TMTC2: variants seen among roughly 807,000 people sequenced by gnomAD.
TMTC2 encodes protein O-mannosyl-transferase TMTC2.
In TMTC2, 43 loss-of-function variants were observed where a neutral mutation model predicts 82.4. The observed-to-expected ratio is 0.52, with a 90% CI of 0.41 to 0.67. TMTC2 has a LOEUF of 0.67. TMTC2 is among the 30% of genes least tolerant of loss of function. The probability of loss-of-function intolerance (pLI) is 0.00; values close to 1 mark genes in which losing one functional copy is unlikely to be tolerated. For synonymous variants in TMTC2, 408 were observed against 381.9 expected (o/e 1.07, Z -0.80); for missense variants, 919 against 1,012.4 (o/e 0.91, Z 1.25).
At chr12:82,840,497 A>G (rs1870272551) in intron 1 of TMTC2, among the ~76,000 whole-genome samples, 1 of 152,240 alleles carries the variant, frequency 6.6e-6, no homozygotes. Context: ...GAATTTATTT[A>G]ATTAGCACGG....
At chr12:82,953,948 T>A (rs1877482007) in intron 4 of TMTC2, among the ~76,000 whole-genome samples, 1 of 152,170 alleles carries the variant, frequency 6.6e-6, no homozygotes, top group South Asian at 2.1e-4. Flanking sequence ...ACTTCTTAAA[T>A]AACTGGGTAT....
chr12:82,692,689 T>G (rs1300995966), intron 1 of TMTC2, among the ~76,000 whole-genome samples: 1 of 152,230 alleles, frequency 6.6e-6, no homozygotes, highest in East Asian at 1.9e-4. Flanking sequence ...TTGTATCAGC[T>G]TTGGATACTT....
intron 11 of TMTC2, among the ~76,000 whole-genome samples, chr12:83,067,785 T>C (rs1037929870): frequency 2.0e-5 from 3 of 152,162 alleles, no homozygotes; most frequent in African/African-American, 7.2e-5. Context: ...TTACTTCTAG[T>C]TTGGACTCAG....
chr12:82,695,510 T>C (rs1221821030), intron 1 of TMTC2, among the ~76,000 whole-genome samples: 1 of 152,232 alleles, frequency 6.6e-6, no homozygotes, highest in African/African-American at 2.4e-5. Flanking sequence ...GGTAGATAAG[T>C]CAAAATACTT....
chr12:83,018,360 C>T (rs772350316), intron 8 of TMTC2, among the ~76,000 whole-genome samples: 2 of 152,198 alleles, frequency 1.3e-5, no homozygotes, highest in Middle Eastern at 3.2e-3. Flanking sequence ...TCAGGCCTCC[C>T]GTTTGGGAGC....
At chr12:83,071,047 A>C (rs1388509734) in intron 11 of TMTC2, among the ~76,000 whole-genome samples, 2 of 152,034 alleles carry the variant, frequency 1.3e-5, no homozygotes, top group Non-Finnish European at 2.9e-5. Context: ...AATGCACTCG[A>C]TCATGGTGGA....
intron 11 of TMTC2, among the ~76,000 whole-genome samples, chr12:83,097,697 G>T (rs919523333): frequency 6.6e-6 from 1 of 152,132 alleles, no homozygotes; most frequent in Admixed American, 6.5e-5. Flanking sequence ...AAAATAAAAC[G>T]TAAAGAGGGA....
chr12:82,864,328 G>A (rs1871705863), intron 2 of TMTC2, among the ~76,000 whole-genome samples: 1 of 151,842 alleles, frequency 6.6e-6, no homozygotes, highest in South Asian at 2.1e-4. Flanking sequence ...CTAGGGATAC[G>A]CAGGTCAGCT....
chr12:82,839,812 T>C (rs886303104), intron 1 of TMTC2, among the ~76,000 whole-genome samples: 1 of 152,212 alleles, frequency 6.6e-6, no homozygotes, highest in Non-Finnish European at 1.5e-5. Context: ...ATATAAGTCC[T>C]GTAACTTCTT....
intron 10 of TMTC2, among the ~76,000 whole-genome samples, chr12:83,057,735 T>C (rs1237229858): frequency 6.6e-6 from 1 of 151,888 alleles, no homozygotes; most frequent in Non-Finnish European, 1.5e-5. Flanking sequence ...AAAATGCTCA[T>C]AAGCTATTCT....
intron 2 of TMTC2, among the ~76,000 whole-genome samples, chr12:82,876,602 A>G (rs1872595158): frequency 6.6e-6 from 1 of 152,208 alleles, no homozygotes; most frequent in African/African-American, 2.4e-5. Flanking sequence ...TCATCAGGCC[A>G]AAATCTTAAA....
chr12:82,706,447 A>C (rs1873361328), intron 1 of TMTC2, among the ~76,000 whole-genome samples: 1 of 152,072 alleles, frequency 6.6e-6, no homozygotes, highest in South Asian at 2.1e-4. Context: ...GAGGGAGAGA[A>C]GAGAGATGAG....
At chr12:83,020,900 T>A (rs1379054448) in intron 8 of TMTC2, among the ~76,000 whole-genome samples, 1 of 152,204 alleles carries the variant, frequency 6.6e-6, no homozygotes, top group East Asian at 1.9e-4. Context: ...AACCATGTTG[T>A]GTTTATACCT....
chr12:83,119,952 A>T (rs1396900999), intron 11 of TMTC2, among the ~76,000 whole-genome samples: 1 of 152,190 alleles, frequency 6.6e-6, no homozygotes, highest in African/African-American at 2.4e-5. Context: ...ATTTAAGAAT[A>T]GCCCCTCCTG....
intron 1 of TMTC2, among the ~76,000 whole-genome samples, chr12:82,845,263 A>G (rs1370147908): frequency 7.2e-6 from 1 of 138,736 alleles, no homozygotes; most frequent in Non-Finnish European, 1.5e-5. Context: ...ATATATATAT[A>G]TATATATATA....
intron 2 of TMTC2, among the ~76,000 whole-genome samples, chr12:82,861,638 T>C (rs774199453): frequency 6.6e-6 from 1 of 152,244 alleles, no homozygotes; most frequent in Non-Finnish European, 1.5e-5. Context: ...ATTCTTAGTG[T>C]GCTAAAGATG....
rs561601702 is a variant in TMTC2, at chr12:83,133,755, A to T, written c.*1366A>T. On this transcript the variant is annotated 3_prime_UTR_variant, in exon 12 of 12. Coordinates refer to ENST00000321196, the MANE Select transcript of TMTC2 (RefSeq NM_152588.3). The stretch of plus-strand genomic sequence containing the variant: ...AACTTTGCCACTAAAAATTAACTTC[A>T]TAAAACACTAGTCCGTTATCAACTT... 6.6e-6 allele frequency: 1 copy of T among 152,228 alleles called. No individual in the cohort carries two copies. The highest frequency in any genetic ancestry group is 6.5e-5 in the Admixed American group (1 of 15,286). 9.4% of individuals were successfully genotyped at this position (152,228 alleles called of 1,614,324 possible). A position where few individuals can be genotyped will look rare whatever the true frequency, so the allele number is the denominator to read the frequency against.
chr12:83,037,704 C>T (rs987013196), intron 9 of TMTC2, among the ~76,000 whole-genome samples: 3 of 152,006 alleles, frequency 2.0e-5, no homozygotes, highest in Admixed American at 6.6e-5. Context: ...TTCATACCTT[C>T]GTGTATTTTA....
intron 3 of TMTC2, among the ~76,000 whole-genome samples, chr12:82,912,066 GA>G (rs1472691858): frequency 1.3e-5 from 2 of 152,140 alleles, no homozygotes; most frequent in African/African-American, 4.8e-5. Flanking sequence ...TTCTTTCAGT[GA>G]TCTTAAACAG....
Sources: gnomAD v4.1 joint callset for allele counts (sites outside exome capture counted in the v4.1 genomes callset) on GRCh38, gnomAD v4.1.1 for gene constraint, MANE v1.5 for transcripts, NCBI Gene and HGNC (gene_info 2026-07-23, HGNC 2026-07-21) for gene names.